GPC3: variants seen among roughly 807,000 people sequenced by gnomAD.
GPC3 encodes the protein glypican 3.
GPC3 carries 3 observed loss-of-function variants against 34.4 expected under a neutral mutation model. The observed-to-expected ratio is 0.09, with a 90% CI of 0.04 to 0.23. The LOEUF (loss-of-function observed/expected upper bound fraction) is 0.23, where lower values mean the gene tolerates loss of function less well. GPC3 is among the 10% of genes least tolerant of loss of function. The probability of loss-of-function intolerance (pLI) is 1.00; values close to 1 mark genes in which losing one functional copy is unlikely to be tolerated. For missense variants in GPC3, 351 were observed against 445.6 expected (o/e 0.79, Z 1.91); for synonymous variants, 177 against 174.0 (o/e 1.02, Z -0.13).
chrX:133,736,990 A>T (rs2071516894), intron 3 of GPC3, among the ~76,000 whole-genome samples: 1 of 112,488 alleles, frequency 8.9e-6, no homozygotes, highest in African/African-American at 3.2e-5. Flanking sequence ...AATTCAATTA[A>T]TATAAAAGTA....
intron 7 of GPC3, among the ~76,000 whole-genome samples, chrX:133,581,787 A>G (rs1469890738): frequency 2.7e-5 from 3 of 112,312 alleles, no homozygotes; most frequent in African/African-American, 9.7e-5. Context: ...TTCCACTCCA[A>G]TGGAGTCAGA....
intron 2 of GPC3, among the ~76,000 whole-genome samples, chrX:133,805,464 G>A (rs1375295286): frequency 8.9e-6 from 1 of 111,886 alleles, no homozygotes; most frequent in Non-Finnish European, 1.9e-5. Context: ...TGAATGGAAG[G>A]GAGCTTACCT....
intron 3 of GPC3, among the ~76,000 whole-genome samples, chrX:133,713,890 G>A (rs1434375722): frequency 1.8e-5 from 2 of 111,741 alleles, no homozygotes; most frequent in Non-Finnish European, 3.8e-5. Context: ...GAGTTTTGAC[G>A]TTATATAATG....
chrX:133,802,186 C>T, intron 2 of GPC3, among the ~76,000 whole-genome samples: 1 of 111,588 alleles, frequency 9.0e-6, no homozygotes, highest in Non-Finnish European at 1.9e-5. Context: ...GGATCATGTA[C>T]TCTAATCTTA....
intron 2 of GPC3, among the ~76,000 whole-genome samples, chrX:133,833,277 G>C (rs2075784246): frequency 9.0e-6 from 1 of 111,095 alleles, no homozygotes; most frequent in Non-Finnish European, 1.9e-5. Context: ...AATGTATAAG[G>C]GCATGAACAT....
rs142186889 is a variant in GPC3, at chrX:133,621,537, C to T, written c.1414-24938G>A. On this transcript the variant is annotated intron_variant, in intron 6 of 7. Coordinates refer to ENST00000370818, the MANE Select transcript of GPC3 (RefSeq NM_004484.4). ...CCTGGCTTGGAGGGTCCCACGCCCACGGAGCCTTGCTCACTGCTAGCACAG... is the reference window on the plus strand; with the variant it reads ...CCTGGCTTGGAGGGTCCCACGCCCATGGAGCCTTGCTCACTGCTAGCACAG... Among the ~76,000 whole-genome samples, 1,001 of 112,187 alleles carry T rather than the reference C, an allele frequency of 8.9e-3. 14 individuals carry two copies. Among genetic ancestry groups the T allele is most frequent in the African/African-American group, 0.029 (908 of 30,920 alleles).
chrX:133,976,063 ATT>A (rs1191917432), intron 1 of GPC3, among the ~76,000 whole-genome samples: 3 of 112,028 alleles, frequency 2.7e-5, no homozygotes, highest in African/African-American at 9.7e-5. Context: ...ATGGAACTTG[ATT>A]TTAAGAGTGG....
At chrX:133,942,549 C>A (rs2076349546) in intron 2 of GPC3, among the ~76,000 whole-genome samples, 1 of 111,960 alleles carries the variant, frequency 8.9e-6, no homozygotes, top group South Asian at 3.7e-4. Context: ...ACTATACATA[C>A]ACCTATGTAT....
intron 2 of GPC3, among the ~76,000 whole-genome samples, chrX:133,786,238 G>GA (rs1371750930): frequency 9.0e-6 from 1 of 110,838 alleles, no homozygotes; most frequent in Non-Finnish European, 1.9e-5. Context: ...CTAAAAATAC[G>GA]AAAAAAATTA....
At chrX:133,621,288 C>A (rs1419201710) in intron 6 of GPC3, among the ~76,000 whole-genome samples, 1 of 111,650 alleles carries the variant, frequency 9.0e-6, no homozygotes, top group Non-Finnish European at 1.9e-5. Flanking sequence ...GTACCGGGTT[C>A]ATCTCACTGG....
chrX:133,700,162 G>A lies in GPC3; in HGVS notation c.1033-134C>T, dbSNP rs892149562. 4 of 509,158 alleles carry A rather than the reference G, an allele frequency of 7.9e-6. No homozygotes were observed. In the African/African-American group the frequency reaches 9.5e-5, roughly 12 times the overall value. The allele number at this position is 509,158 out of a possible 1,213,427, so 42.0% of individuals were successfully genotyped here. Reference sequence around the variant, plus strand: ...AAAGCTATGACTAGAGTCAAAAAAGGTGATAAGCTTGTAAGACAAAGAACC... The same window carrying A: ...AAAGCTATGACTAGAGTCAAAAAAGATGATAAGCTTGTAAGACAAAGAACC... On this transcript the variant is annotated intron_variant, in intron 3 of 7. Coordinates refer to ENST00000370818, the MANE Select transcript of GPC3 (RefSeq NM_004484.4).
At chrX:133,891,795 G>A (rs1331203116) in intron 2 of GPC3, among the ~76,000 whole-genome samples, 1 of 83,473 alleles carries the variant, frequency 1.2e-5, no homozygotes, top group Non-Finnish European at 2.2e-5. Context: ...CTAAGACCTT[G>A]TCTCAAAAAA....
chrX:133,873,861 A>C (rs2076004654), intron 2 of GPC3, among the ~76,000 whole-genome samples: 1 of 111,808 alleles, frequency 8.9e-6, no homozygotes, highest in Non-Finnish European at 1.9e-5. Context: ...AGGTGCTAAT[A>C]GTTGAAAATA....
chrX:133,846,580 G>C (rs750639941), intron 2 of GPC3, among the ~76,000 whole-genome samples: 1 of 111,168 alleles, frequency 9.0e-6, no homozygotes, highest in Non-Finnish European at 1.9e-5. Flanking sequence ...CTGAACTTTT[G>C]AACTAGTCTG....
intron 6 of GPC3, among the ~76,000 whole-genome samples, chrX:133,626,091 C>A (rs765496186): frequency 8.9e-6 from 1 of 111,738 alleles, no homozygotes; most frequent in Non-Finnish European, 1.9e-5. Flanking sequence ...ATAAGTGGTG[C>A]TGGGAAAACT....
intron 1 of GPC3, among the ~76,000 whole-genome samples, chrX:133,984,062 G>A (rs1289437247): frequency 8.9e-6 from 1 of 112,968 alleles, no homozygotes; most frequent in African/African-American, 3.2e-5. Context: ...CAGCGCCCAC[G>A]GGGTGCGCAT....
intron 2 of GPC3, among the ~76,000 whole-genome samples, chrX:133,917,721 A>T (rs967636865): frequency 6.2e-5 from 7 of 112,046 alleles, no homozygotes; most frequent in African/African-American, 2.3e-4. Flanking sequence ...TTTTTAAAAA[A>T]TTACAGTAAT....
rs1241628435 is a variant in GPC3, at chrX:133,561,203, T to C, written c.1574-24910A>G. 1.8e-5 allele frequency among the ~76,000 whole-genome samples: 2 copies of C among 112,450 alleles called. 1 individual carries two copies. Among genetic ancestry groups the C allele is most frequent in the Non-Finnish European group, 3.7e-5 (2 of 53,368 alleles). The stretch of plus-strand genomic sequence containing the variant: ...GATGGGAAGGTTTTATCCAAAAGAT[T>C]GGTAAACAGAAGCTATCAGCTTGAA... On this transcript the variant is annotated intron_variant, in intron 7 of 7. Coordinates refer to ENST00000370818, the MANE Select transcript of GPC3 (RefSeq NM_004484.4).
intron 5 of GPC3, among the ~76,000 whole-genome samples, chrX:133,684,996 A>T (rs2070984679): frequency 9.1e-6 from 1 of 110,482 alleles, no homozygotes. Flanking sequence ...TTTAGGTACA[A>T]CATACACTAC....
Sources: allele counts gnomAD v4.1 joint callset (sites outside exome capture counted in the v4.1 genomes callset), GRCh38; gene constraint gnomAD v4.1.1; transcripts MANE v1.5; gene names NCBI Gene and HGNC (gene_info 2026-07-23, HGNC 2026-07-21).